SEMA3A: variants seen among roughly 807,000 people sequenced by gnomAD.
The protein encoded by SEMA3A is semaphorin 3A.
A neutral mutation model predicts 97.9 loss-of-function variants in SEMA3A; 29 were observed. The ratio of observed to expected loss-of-function variants is 0.30; its 90% CI spans 0.22 to 0.40. The LOEUF (loss-of-function observed/expected upper bound fraction) is 0.40, where lower values mean the gene tolerates loss of function less well. Among genes scored for constraint, SEMA3A ranks in the 10% least tolerant of loss-of-function variants. The pLI, the probability that SEMA3A is intolerant of heterozygous loss-of-function variation, is 1.00. For synonymous variants in SEMA3A, 321 were observed against 323.7 expected (o/e 0.99, Z 0.09); for missense variants, 763 against 951.3 (o/e 0.80, Z 2.60).
At chr7:84,363,469 A>G (rs1036874901) in intron 2 of SEMA3A, among the ~76,000 whole-genome samples, 3 of 151,926 alleles carry the variant, frequency 2.0e-5, no homozygotes, top group African/African-American at 7.2e-5. Context: ...TTCTTTAAAA[A>G]CAAAAGTTTT....
chr7:84,445,516 A>AAAAAAAG (rs1805391070), intron 1 of SEMA3A, among the ~76,000 whole-genome samples: 15 of 123,696 alleles, frequency 1.2e-4, no homozygotes, highest in East Asian at 8.1e-4. Context: ...AAAAAAAAAA[A>AAAAAAAG]AAAAGAAAAG....
intron 3 of SEMA3A, chr7:84,306,692 G>C (rs1189240030): frequency 6.6e-6 from 1 of 152,078 alleles, no homozygotes; most frequent in African/African-American, 2.4e-5. Flanking sequence ...CTTTACAGGT[G>C]ATATTTCAAT....
chr7:84,339,005 G>C (rs1170552962), intron 2 of SEMA3A, among the ~76,000 whole-genome samples: 1 of 152,120 alleles, frequency 6.6e-6, no homozygotes, highest in Non-Finnish European at 1.5e-5. Context: ...TTATAGCTCA[G>C]ATGTCTGTGG....
chr7:84,288,503 G>A (rs1476484494), intron 3 of SEMA3A, among the ~76,000 whole-genome samples: 1 of 152,102 alleles, frequency 6.6e-6, no homozygotes, highest in African/African-American at 2.4e-5. Context: ...TTCAAGACCA[G>A]CCTGGCCAAC....
intron 3 of SEMA3A, among the ~76,000 whole-genome samples, chr7:84,275,849 G>A (rs185645209): frequency 1.3e-5 from 2 of 152,100 alleles, no homozygotes; most frequent in East Asian, 1.9e-4. Flanking sequence ...TTGATTACAT[G>A]TTGAAATAAT....
At chr7:84,354,854 T>C (rs1021721215) in intron 2 of SEMA3A, among the ~76,000 whole-genome samples, 1 of 151,740 alleles carries the variant, frequency 6.6e-6, no homozygotes, top group Non-Finnish European at 1.5e-5. Context: ...TAAGTATACT[T>C]AAGTCACTAA....
chr7:84,354,603 T>C (rs945769108), intron 2 of SEMA3A, among the ~76,000 whole-genome samples: 1 of 151,734 alleles, frequency 6.6e-6, no homozygotes, highest in African/African-American at 2.4e-5. Flanking sequence ...TGGGTTTTAT[T>C]CTGCCAAACA....
At chr7:84,221,846 C>G (rs1187443340) in intron 3 of SEMA3A, among the ~76,000 whole-genome samples, 1 of 151,744 alleles carries the variant, frequency 6.6e-6, no homozygotes, top group African/African-American at 2.4e-5. Flanking sequence ...CAAGAATTAC[C>G]AAAATGTGAT....
intron 3 of SEMA3A, among the ~76,000 whole-genome samples, chr7:84,123,727 A>G (rs1361805195): frequency 6.8e-6 from 1 of 146,686 alleles, no homozygotes; most frequent in African/African-American, 2.5e-5. Context: ...CAGATAAAAT[A>G]TATATATTTA....
intron 5 of SEMA3A, among the ~76,000 whole-genome samples, chr7:84,055,497 C>T (rs1013982071): frequency 2.0e-5 from 3 of 151,902 alleles, no homozygotes; most frequent in Non-Finnish European, 2.9e-5. Context: ...CTTTCTTTGA[C>T]TAGGAAAGGG....
At chr7:84,261,026 A>C (rs1438127093) in intron 3 of SEMA3A, among the ~76,000 whole-genome samples, 1 of 151,738 alleles carries the variant, frequency 6.6e-6, no homozygotes, top group African/African-American at 2.4e-5. Context: ...AAGCCCATAA[A>C]CCCCCCAGAT....
At chr7:84,291,628 T>C (rs569072535) in intron 3 of SEMA3A, among the ~76,000 whole-genome samples, 2 of 152,150 alleles carry the variant, frequency 1.3e-5, no homozygotes, top group South Asian at 2.1e-4. Flanking sequence ...CAAAGGCAGG[T>C]AGTATTACCC....
chr7:84,074,156 T>A (rs1440591987), intron 4 of SEMA3A, among the ~76,000 whole-genome samples: 1 of 152,146 alleles, frequency 6.6e-6, no homozygotes, highest in Admixed American at 6.6e-5. Flanking sequence ...TAAATTAAAT[T>A]ATTGAACCTC....
At chr7:84,349,104 G>A (rs1220892075) in intron 2 of SEMA3A, among the ~76,000 whole-genome samples, 1 of 152,190 alleles carries the variant, frequency 6.6e-6, no homozygotes, top group Admixed American at 6.5e-5. Flanking sequence ...CTTAGTCCAT[G>A]TATTTTGTAC....
chr7:84,303,051 T>G (rs1283107650), intron 3 of SEMA3A, among the ~76,000 whole-genome samples: 1 of 152,190 alleles, frequency 6.6e-6, no homozygotes, highest in East Asian at 1.9e-4. Flanking sequence ...GAATTTGAAG[T>G]TGGACTTGTG....
intron 2 of SEMA3A, among the ~76,000 whole-genome samples, chr7:84,329,904 T>C (rs1179046268): frequency 6.6e-6 from 1 of 152,062 alleles, no homozygotes; most frequent in African/African-American, 2.4e-5. Context: ...CAAAATTTTA[T>C]GGTATTATTT....
At chr7:84,172,517 G>T (rs1797418074) in intron 1 of SEMA3A, among the ~76,000 whole-genome samples, 1 of 152,086 alleles carries the variant, frequency 6.6e-6, no homozygotes, top group Non-Finnish European at 1.5e-5. Flanking sequence ...CGCCTCCTGG[G>T]TTCACGCCAT....
intron 6 of SEMA3A, among the ~76,000 whole-genome samples, chr7:84,032,516 CAAT>C (rs1350766010): frequency 1.3e-5 from 2 of 151,894 alleles, no homozygotes; most frequent in Non-Finnish European, 2.9e-5. Context: ...TCAGAAGAGA[CAAT>C]AATAGTTTTG....
At chr7:84,460,465 CA>C (rs1805802493) in intron 1 of SEMA3A, among the ~76,000 whole-genome samples, 1 of 151,584 alleles carries the variant, frequency 6.6e-6, no homozygotes, top group African/African-American at 2.4e-5. Flanking sequence ...GATTTTCATG[CA>C]ACTTAAAGGT....
Sources: allele counts gnomAD v4.1 joint callset (sites outside exome capture counted in the v4.1 genomes callset), GRCh38; gene constraint gnomAD v4.1.1; transcripts MANE v1.5; gene names NCBI Gene and HGNC (gene_info 2026-07-23, HGNC 2026-07-21).